The following MED13L variants were observed in gnomAD, a reference collection of about 807,000 sequenced individuals.
The protein encoded by MED13L is mediator complex subunit 13L.
MED13L carries 7 observed loss-of-function variants against 220.9 expected under a neutral mutation model. That is an observed-to-expected ratio of 0.03 (90% confidence interval 0.02 to 0.06). The LOEUF (loss-of-function observed/expected upper bound fraction) is 0.06. Among genes scored for constraint, MED13L ranks in the 10% least tolerant of loss-of-function variants. The pLI is 1.00. For missense variants in MED13L, 1,965 were observed against 2,760.5 expected, an observed-to-expected ratio of 0.71 and a Z score of 6.46; for synonymous variants, 1,011 against 1,015.2, an observed-to-expected ratio of 1.00 and a Z score of 0.08.
chr12:116,276,720 A>G (rs1234199835), intron 1 of MED13L: 1 of 986,056 alleles, frequency 1.0e-6, no homozygotes, highest in East Asian at 5.4e-5. Flanking sequence ...CGGGGGGAAA[A>G]AAAGGGGGGA....
At chr12:116,028,238 T>G (rs1273889644) in intron 4 of MED13L, among the ~76,000 whole-genome samples, 1 of 152,240 alleles carries the variant, frequency 6.6e-6, no homozygotes, top group Non-Finnish European at 1.5e-5. Context: ...AGGGGTTCTA[T>G]GAATACAATT....
intron 3 of MED13L, among the ~76,000 whole-genome samples, chr12:116,108,791 G>T (rs1873821856): frequency 1.3e-5 from 2 of 152,130 alleles, no homozygotes; most frequent in South Asian, 4.1e-4. Context: ...AATGAAATTT[G>T]AAAGAATACA....
chr12:116,003,138 T>C, intron 13 of MED13L, 36 bp from the exon 14 acceptor site: 1 of 1,557,572 alleles, frequency 6.4e-7, no homozygotes, highest in Non-Finnish European at 8.9e-7. Context: ...CAGAGTGACG[T>C]GTATATAAGT....
chr12:116,133,856 G>A lies in MED13L; in HGVS notation c.311-22344C>T, dbSNP rs183866242. Among the ~76,000 whole-genome samples the A allele has an allele frequency of 1.8e-3, 270 of 152,282 alleles. 1 individual carries two copies. The highest frequency in any genetic ancestry group is 3.4e-3 in the Middle Eastern group (1 of 294). ...TGTGAGGAAACCTAGTCCACACGGA[G>A]CAGCCACATGTAGTTCTTCTGGCCA... On this transcript the variant is annotated intron_variant, in intron 2 of 30. Transcript: ENST00000281928.
intron 4 of MED13L, among the ~76,000 whole-genome samples, chr12:116,056,201 T>TACAC (rs1445645538): frequency 2.6e-5 from 4 of 152,102 alleles, no homozygotes; most frequent in Non-Finnish European, 5.9e-5. Flanking sequence ...CTGGCTTTAG[T>TACAC]ACACCACAAC....
rs1875735429 is a variant in MED13L at position 115,961,221 on chromosome 12, T to G, written c.*45A>C. On this transcript the variant is annotated 3_prime_UTR_variant, in exon 31 of 31. Coordinates refer to ENST00000281928, the MANE Select transcript of MED13L (RefSeq NM_015335.5). ...TGTAGCAGGTTCCTTGGACTGAGGT[T>G]GCAGGGAGAAGGAACTGAGCCAGAG... 3 of 1,611,728 alleles carry G rather than the reference T, an allele frequency of 1.9e-6. No individual in the cohort carries two copies.
At chr12:116,089,184 C>A (rs1593030844) in intron 4 of MED13L, among the ~76,000 whole-genome samples, 1 of 152,064 alleles carries the variant, frequency 6.6e-6, no homozygotes, top group Non-Finnish European at 1.5e-5. Context: ...TTAAAATCTG[C>A]CTTCTTTTAT....
At chr12:116,015,318 G>A (rs768935983) in intron 7 of MED13L, 44 bp from the exon 8 acceptor site, 122 of 1,596,346 alleles carry the variant, frequency 7.6e-5, no homozygotes, top group Non-Finnish European at 3.8e-5. Flanking sequence ...TTCTGAAAAG[G>A]TTTCCTACTT....
intron 2 of MED13L, among the ~76,000 whole-genome samples, chr12:116,212,957 G>C (rs187593671): frequency 2.6e-3 from 393 of 152,260 alleles, no homozygotes; most frequent in African/African-American, 9.2e-3. Flanking sequence ...TATCTTCTGT[G>C]ATGCTGCTAT....
chr12:116,238,026 T>C lies in MED13L; in HGVS notation c.73-321A>G, dbSNP rs1418445854. On this transcript the variant is annotated intron_variant, in intron 1 of 30. Coordinates refer to ENST00000281928, the MANE Select transcript of MED13L (RefSeq NM_015335.5). ...ATGCAGAAAACTATTTTCTATGTTATCATTCAATATTCAACTCACAAATTA... is the reference window on the plus strand; with the variant it reads ...ATGCAGAAAACTATTTTCTATGTTACCATTCAATATTCAACTCACAAATTA... Among the ~76,000 whole-genome samples, 4 of 152,250 alleles carry C rather than the reference T, an allele frequency of 2.6e-5. No homozygotes were observed. The East Asian group carries it at 7.7e-4, about 29-fold the overall frequency.
At chr12:116,096,470 T>C (rs1593039137) in intron 4 of MED13L, among the ~76,000 whole-genome samples, 199 bp downstream of exon 4, 1 of 151,074 alleles carries the variant, frequency 6.6e-6, no homozygotes, top group Admixed American at 6.6e-5. Context: ...AACATGAGTA[T>C]ATTGGCAATC....
At chr12:116,232,230 C>T in intron 2 of MED13L, 1 of 650,062 alleles carries the variant, frequency 1.5e-6, no homozygotes, top group Non-Finnish European at 1.9e-6. Context: ...TCTACCCCTG[C>T]ACTGACAATA....
intron 1 of MED13L, among the ~76,000 whole-genome samples, chr12:116,255,262 G>GTT (rs1465374156): frequency 1.2e-4 from 19 of 152,276 alleles, no homozygotes; most frequent in African/African-American, 4.6e-4. Context: ...TTTTAACAAA[G>GTT]ATTCTAAGGT....
chr12:115,992,100 CTCTT>C, intron 16 of MED13L, 143 bp from the exon 17 acceptor site: 1 of 767,720 alleles, frequency 1.3e-6, no homozygotes, highest in Non-Finnish European at 2.2e-6. Flanking sequence ...ATTTAATTTT[CTCTT>C]AAAAAAAAAA....
At chr12:116,150,462 G>A (rs1050121828) in intron 2 of MED13L, among the ~76,000 whole-genome samples, 2 of 152,144 alleles carry the variant, frequency 1.3e-5, no homozygotes, top group East Asian at 1.9e-4. Context: ...TATAATCAAT[G>A]AGGTGGGAAA....
intron 1 of MED13L, among the ~76,000 whole-genome samples, chr12:116,264,197 GGCA>G (rs960641933): frequency 6.6e-6 from 1 of 152,020 alleles, no homozygotes; most frequent in Non-Finnish European, 1.5e-5. Context: ...GATTTTCTGG[GGCA>G]GCCAACTAAA....
chr12:116,022,418 G>A (rs1248097831), intron 5 of MED13L, 38 bp downstream of exon 5: 1 of 1,611,064 alleles, frequency 6.2e-7, no homozygotes, highest in Non-Finnish European at 8.5e-7. Flanking sequence ...TCCACTCGGT[G>A]GCGGATAGGG....
intron 1 of MED13L, among the ~76,000 whole-genome samples, chr12:116,250,011 A>C (rs1189323971): frequency 1.4e-5 from 2 of 145,234 alleles, no homozygotes; most frequent in African/African-American, 5.1e-5. Flanking sequence ...AGTGAACCCT[A>C]ATGCAGCATA....
intron 2 of MED13L, among the ~76,000 whole-genome samples, chr12:116,123,556 TA>T (rs1450504878): frequency 1.3e-5 from 2 of 152,196 alleles, no homozygotes; most frequent in East Asian, 1.9e-4. Context: ...CTAATTTGAA[TA>T]AAAAACACAC....
Sources: allele counts gnomAD v4.1 joint callset (sites outside exome capture counted in the v4.1 genomes callset), GRCh38; gene constraint gnomAD v4.1.1; transcripts MANE v1.5; gene names NCBI Gene and HGNC (gene_info 2026-07-23, HGNC 2026-07-21).